Variants in GALNTL6 observed in about 807,000 individuals in gnomAD.
GALNTL6 encodes polypeptide N-acetylgalactosaminyltransferase-like 6.
GALNTL6 carries 46 observed loss-of-function variants against 73.7 expected under a neutral mutation model. That is an observed-to-expected ratio of 0.62 (90% CI 0.49 to 0.80). The LOEUF is 0.80. GALNTL6 is among the 30% of genes least tolerant of loss of function. The pLI, the probability that GALNTL6 is intolerant of heterozygous loss-of-function variation, is 0.00. For missense variants in GALNTL6, 604 were observed against 755.0 expected (o/e 0.80, Z 2.34); for synonymous variants, 259 against 263.7 (o/e 0.98, Z 0.17).
chr4:172,311,540 A>G, intron 3 of GALNTL6, 74 bp from the exon 4 acceptor site: 1 of 1,267,672 alleles, frequency 7.9e-7, no homozygotes, highest in Non-Finnish European at 1.1e-6. Context: ...TACACATTCC[A>G]GTCTTCCTAT....
At chr4:171,836,946 T>C (rs927375863) in intron 2 of GALNTL6, among the ~76,000 whole-genome samples, 1 of 152,194 alleles carries the variant, frequency 6.6e-6, no homozygotes, top group Non-Finnish European at 1.5e-5. Context: ...TGCATTCATG[T>C]TTTGTAATAC....
intron 5 of GALNTL6, among the ~76,000 whole-genome samples, chr4:172,704,391 G>A (rs985577146): frequency 6.6e-6 from 1 of 151,100 alleles, no homozygotes. Flanking sequence ...GGTATGTTTT[G>A]TTTCCATTTT....
At chr4:172,683,502 T>C (rs1388373878) in intron 5 of GALNTL6, among the ~76,000 whole-genome samples, 1 of 152,198 alleles carries the variant, frequency 6.6e-6, no homozygotes, top group Non-Finnish European at 1.5e-5. Context: ...TTAAAAACTT[T>C]TTACCCTAAC....
In GALNTL6 at chr4:171,993,039, T is replaced by TC. The variant is rs531874387; in HGVS notation, c.138+178327dup. Among the ~76,000 whole-genome samples, 156 of 151,298 alleles carry TC rather than the reference T, an allele frequency of 1.0e-3. 1 individual carries two copies. Among genetic ancestry groups the TC allele is most frequent in the African/African-American group, 3.5e-3 (144 of 41,418 alleles). On this transcript the variant is annotated intron_variant, in intron 2 of 12. Transcript: ENST00000506823. ...CTTTGTGTTACATACATCCTTTAAG[T>TC]CCCCCCTTGAGATGGTAATAATCTG...
intron 2 of GALNTL6, among the ~76,000 whole-genome samples, chr4:171,916,656 G>T (rs941492208): frequency 1.5e-4 from 23 of 151,932 alleles, no homozygotes; most frequent in Admixed American, 1.5e-3. Context: ...TCTATTCAGC[G>T]CTTCTTCATA....
intron 2 of GALNTL6, among the ~76,000 whole-genome samples, chr4:171,924,191 C>CACAT (rs1737900689): frequency 6.7e-6 from 1 of 149,116 alleles, no homozygotes; most frequent in Non-Finnish European, 1.5e-5. Context: ...CATACACACA[C>CACAT]ACACACACAC....
intron 2 of GALNTL6, among the ~76,000 whole-genome samples, chr4:171,946,526 C>T (rs75419172): frequency 0.047 from 7,169 of 152,228 alleles, 430 homozygotes; most frequent in African/African-American, 0.15. Context: ...CTCTGAGCTG[C>T]GTATTGCACA....
intron 7 of GALNTL6, among the ~76,000 whole-genome samples, chr4:172,837,807 T>C (rs1218480247): frequency 6.6e-6 from 1 of 152,232 alleles, no homozygotes; most frequent in Non-Finnish European, 1.5e-5. Flanking sequence ...ACTGATTGAA[T>C]AATCAATCCT....
At chr4:171,954,462 T>G (rs1738983799) in intron 2 of GALNTL6, among the ~76,000 whole-genome samples, 1 of 152,194 alleles carries the variant, frequency 6.6e-6, no homozygotes, top group African/African-American at 2.4e-5. Context: ...AAAGTCATCT[T>G]CAACAAATAC....
At chr4:172,415,366 A>G (rs567372023) in intron 5 of GALNTL6, among the ~76,000 whole-genome samples, 1 of 152,220 alleles carries the variant, frequency 6.6e-6, no homozygotes, top group East Asian at 1.9e-4. Flanking sequence ...TTTCCTCTTC[A>G]TATTCTATGT....
rs191353318 is a variant in GALNTL6 at position 172,487,914 on chromosome 4, T to C, written c.553+139225T>C. ...TGGAGAATTAGGTGCTACCATAGAA[T>C]TATTTTTAAAATGCAGCAGAGAATA... On this transcript the variant is annotated intron_variant, in intron 5 of 12. Coordinates refer to ENST00000506823, the MANE Select transcript of GALNTL6 (RefSeq NM_001034845.3). Among the ~76,000 whole-genome samples the C allele has an allele frequency of 8.6e-3, 1,312 of 152,318 alleles. 5 individuals carry two copies. The highest frequency in any genetic ancestry group is 0.02 in the Middle Eastern group (6 of 294).
chr4:172,545,486 T>G (rs895019895), intron 5 of GALNTL6, among the ~76,000 whole-genome samples: 1 of 152,196 alleles, frequency 6.6e-6, no homozygotes, highest in African/African-American at 2.4e-5. Context: ...CGTGGTTCTG[T>G]TGCATCCCAG....
chr4:172,330,449 T>C lies in GALNTL6; in HGVS notation c.387-18074T>C, dbSNP rs144493982. 8.1e-4 allele frequency among the ~76,000 whole-genome samples: 123 copies of C among 152,314 alleles called. 2 individuals are homozygous for C. The South Asian group carries it at 0.016, about 20-fold the overall frequency. On this transcript the variant is annotated intron_variant, in intron 4 of 12. Transcript: ENST00000506823. ...CTGAGTGGGCATTCATCTTGCCTTG[T>C]TTGTCTTTGCTTTCCGTGGGTTGAA...
intron 5 of GALNTL6, among the ~76,000 whole-genome samples, chr4:172,784,037 T>G (rs2110906694): frequency 6.6e-6 from 1 of 152,258 alleles, no homozygotes; most frequent in South Asian, 2.1e-4. Flanking sequence ...AAATCTGTCC[T>G]TAGTAATATT....
At chr4:172,957,575 A>G (rs1749808995) in intron 10 of GALNTL6, among the ~76,000 whole-genome samples, 1 of 152,200 alleles carries the variant, frequency 6.6e-6, no homozygotes, top group Non-Finnish European at 1.5e-5. Flanking sequence ...ATGCCTTCTG[A>G]TGGCCTTTGC....
At chr4:172,802,545 C>T (rs1262501467) in intron 5 of GALNTL6, among the ~76,000 whole-genome samples, 1 of 152,244 alleles carries the variant, frequency 6.6e-6, no homozygotes, top group East Asian at 1.9e-4. Context: ...CCTGTAATCC[C>T]AGCACTTTGG....
At chr4:172,170,588 C>T (rs1450380759) in intron 2 of GALNTL6, among the ~76,000 whole-genome samples, 1 of 148,548 alleles carries the variant, frequency 6.7e-6, no homozygotes, top group East Asian at 2.0e-4. Flanking sequence ...GTGCTCACTG[C>T]AACCTCCTCC....
chr4:172,617,973 G>T (rs952572177), intron 5 of GALNTL6, among the ~76,000 whole-genome samples: 12 of 152,084 alleles, frequency 7.9e-5, no homozygotes, highest in Admixed American at 7.9e-4. Context: ...CCTCCATCTG[G>T]AACCCTGTCT....
intron 5 of GALNTL6, among the ~76,000 whole-genome samples, chr4:172,673,277 TG>T (rs1732093158): frequency 6.6e-6 from 1 of 152,086 alleles, no homozygotes; most frequent in African/African-American, 2.4e-5. Context: ...TGTAATGTGA[TG>T]GTTTTGAGTG....
Sources: allele counts gnomAD v4.1 joint callset (sites outside exome capture counted in the v4.1 genomes callset), GRCh38; gene constraint gnomAD v4.1.1; transcripts MANE v1.5; gene names NCBI Gene and HGNC (gene_info 2026-07-23, HGNC 2026-07-21).